The following PCDHGA12 variants were observed in gnomAD, a reference collection of about 807,000 sequenced individuals.
PCDHGA12 encodes protocadherin gamma-A12.
Under a neutral mutation model 61.1 loss-of-function variants are expected in PCDHGA12, and 43 were observed. The observed-to-expected ratio is 0.70, with a 90% CI of 0.55 to 0.91. The LOEUF (loss-of-function observed/expected upper bound fraction) is 0.91. Among genes scored for constraint, PCDHGA12 ranks in the 40% least tolerant of loss-of-function variants. The pLI is 0.00. For synonymous variants in PCDHGA12, 520 were observed against 542.9 expected, an observed-to-expected ratio of 0.96 and a Z score of 0.59; for missense variants, 1,236 against 1,227.7, an observed-to-expected ratio of 1.01 and a Z score of -0.10.
At position 141,432,204 on chromosome 5, in the gene PCDHGA12, A is replaced by G. The variant is rs1204867610; in HGVS notation, c.1445A>G (p.Glu482Gly). Residue 482 changes from glutamate (E) to glycine (G), a missense_variant, in exon 1 of 4, where the codon GAA (glutamate) becomes GGA (glycine). Coordinates refer to ENST00000252085, the MANE Select transcript of PCDHGA12 (RefSeq NM_003735.3). This position sits in a 1 kb window ranked among gnomAD's most constrained non-coding sequence, Gnocchi z 6.0. The part of the protein sequence containing the change: ...VSVTAHDPDC[E>G]ENAQITYSLA... ...GTGACCGCCCACGACCCCGACTGTG[A>G]AGAGAACGCCCAGATCACTTATTCC... 1.9e-6 allele frequency: 3 copies of G among 1,614,070 alleles called. No homozygotes were observed. Among genetic ancestry groups the G allele is most frequent in the African/African-American group, 2.7e-5 (2 of 74,928 alleles).
At position 141,485,833 on chromosome 5, in the gene PCDHGA12, G is replaced by A. The variant is rs780944737; in HGVS notation, c.2425-8974G>A. 64 of 1,613,904 alleles carry A rather than the reference G, an allele frequency of 4.0e-5. No homozygotes were observed. Among genetic ancestry groups the A allele is most frequent in the Non-Finnish European group, 2.5e-6 (3 of 1,180,004 alleles). On this transcript the variant is annotated intron_variant, in intron 1 of 3. Coordinates refer to ENST00000252085, the MANE Select transcript of PCDHGA12 (RefSeq NM_003735.3). This position sits in a 1 kb window ranked among gnomAD's most constrained non-coding sequence, Gnocchi z 5.7. Reference sequence around the variant, plus strand: ...TGACTGCTGTCGATGGAGGGAACCCGCCGAGATCTGGCACCGCAGAGCTCC... The same window carrying A: ...TGACTGCTGTCGATGGAGGGAACCCACCGAGATCTGGCACCGCAGAGCTCC...
At chr5:141,505,505 G>A (rs2099846270) in intron 3 of PCDHGA12, 24 bp downstream of exon 3, 1 of 1,614,132 alleles carries the variant, frequency 6.2e-7, no homozygotes, top group Non-Finnish European at 8.5e-7. Flanking sequence ...GTGTGTGTAT[G>A]GAAGAGTGGG....
chr5:141,448,099 T>C (rs1002430560), intron 1 of PCDHGA12, among the ~76,000 whole-genome samples: 1 of 151,272 alleles, frequency 6.6e-6, no homozygotes, highest in African/African-American at 2.4e-5. Context: ...AAAAAAAAAA[T>C]TAAAAGAAAA....
At chr5:141,460,981 GTGTATATA>G (rs1342006423) in intron 1 of PCDHGA12, among the ~76,000 whole-genome samples, 30 of 121,890 alleles carry the variant, frequency 2.5e-4, no homozygotes, top group African/African-American at 5.8e-4. Flanking sequence ...GTGTGTGTGT[GTGTATATA>G]TATATATGTG....
rs1446853595 is a variant in PCDHGA12, at chr5:141,491,363, C to T, written c.2425-3444C>T. ...ACCGTCAGTCTCTTATCCCTAGTCA[C>T]CTTCACCTTTCTGTCAGCGAAGTGC... On this transcript the variant is annotated intron_variant, in intron 1 of 3. Coordinates refer to ENST00000252085, the MANE Select transcript of PCDHGA12 (RefSeq NM_003735.3). This position sits in a 1 kb window ranked among gnomAD's most constrained non-coding sequence, Gnocchi z 6.9. The T allele has an allele frequency of 6.2e-7, 1 of 1,614,182 alleles. No individual in the cohort carries two copies. Among genetic ancestry groups the T allele is most frequent in the South Asian group, 1.1e-5 (1 of 91,082 alleles).
In PCDHGA12 at chr5:141,430,668, C is replaced by T. The variant is rs538633559; in HGVS notation, c.-92C>T. On this transcript the variant is annotated 5_prime_UTR_variant, in exon 1 of 4. Transcript: ENST00000252085. ...TGTGGAAACAACGGAGGAGCTCTGACTTCCCAACTGTCCCATTCTATGGGC... is the reference window on the plus strand; with the variant it reads ...TGTGGAAACAACGGAGGAGCTCTGATTTCCCAACTGTCCCATTCTATGGGC... The T allele has an allele frequency of 1.6e-6, 2 of 1,243,872 alleles. No homozygotes were observed. Among genetic ancestry groups the T allele is most frequent in the East Asian group, 2.5e-5 (1 of 39,266 alleles). The allele number at this position is 1,243,872 out of a possible 1,614,324, so 77.1% of individuals were successfully genotyped here.
At position 141,433,188 on chromosome 5, in the gene PCDHGA12, G is replaced by A. The variant is rs2097573612; in HGVS notation, c.2424+5G>A. The A allele has an allele frequency of 2.5e-6, 4 of 1,583,816 alleles. No homozygotes were observed. The South Asian group carries it at 3.5e-5, about 14-fold the overall frequency. On this transcript the variant is annotated splice_donor_5th_base_variant and intron_variant, in intron 1 of 3. Coordinates refer to ENST00000252085, the MANE Select transcript of PCDHGA12 (RefSeq NM_003735.3). ...GACAGTCATGGGTTAATTGAGGTGA[G>A]TTTATATCAAATCTTCTTTCTTTTT...
rs756706355 is a variant in PCDHGA12 at position 141,486,950 on chromosome 5, G to C, written c.2425-7857G>C. 6.2e-7 allele frequency: 1 copy of C among 1,614,202 alleles called. No homozygotes were observed. Among genetic ancestry groups the C allele is most frequent in the East Asian group, 2.2e-5 (1 of 44,876 alleles). On this transcript the variant is annotated intron_variant, in intron 1 of 3. Coordinates refer to ENST00000252085, the MANE Select transcript of PCDHGA12 (RefSeq NM_003735.3). The surrounding 1 kb of genome is among the most constrained non-coding windows in gnomAD (Gnocchi z 5.0). ...TGGTGCTGGCCACCTAATCACAAAG[G>C]TGACTGCTGTGGACTTGGATTCAGG...
chr5:141,492,859 C>T (rs966216924), intron 1 of PCDHGA12, among the ~76,000 whole-genome samples: 1 of 152,232 alleles, frequency 6.6e-6, no homozygotes, highest in Non-Finnish European at 1.5e-5. Flanking sequence ...CTCGAGCGCC[C>T]TGGCTCTCAA....
Position 141,431,449 on chromosome 5 carries a change from G to A in PCDHGA12, c.690G>A (p.Val230=). The part of the protein sequence containing the change: ...PVRTGTARIR[V]MVLDANDNAP... Reference sequence around the variant, plus strand: ...GCACAGGCACCGCGCGCATCCGCGTGATGGTTCTGGATGCGAACGACAACG... The same window carrying A: ...GCACAGGCACCGCGCGCATCCGCGTAATGGTTCTGGATGCGAACGACAACG... Residue 230 remains valine, a synonymous_variant, in exon 1 of 4, where the codon GTG becomes GTA. Coordinates refer to ENST00000252085, the MANE Select transcript of PCDHGA12 (RefSeq NM_003735.3). The surrounding 1 kb of genome is among the most constrained non-coding windows in gnomAD (Gnocchi z 4.8). The A allele has an allele frequency of 6.2e-7, 1 of 1,613,742 alleles. No individual in the cohort carries two copies. Among genetic ancestry groups the A allele is most frequent in the South Asian group, 1.1e-5 (1 of 91,082 alleles).
At chr5:141,458,899 T>A (rs1398965632) in intron 1 of PCDHGA12, among the ~76,000 whole-genome samples, 2 of 152,106 alleles carry the variant, frequency 1.3e-5, no homozygotes, top group African/African-American at 2.4e-5. Context: ...GCGCAGCTAA[T>A]TTTTTCTATT....
chr5:141,434,724 C>T (rs2097712360), intron 1 of PCDHGA12, among the ~76,000 whole-genome samples: 2 of 151,800 alleles, frequency 1.3e-5, no homozygotes, highest in Admixed American at 1.3e-4. Flanking sequence ...GTTCAGGGCT[C>T]TCAGCTCTGA....
At chr5:141,433,481 G>C (rs2097613311) in intron 1 of PCDHGA12, among the ~76,000 whole-genome samples, 1 of 152,046 alleles carries the variant, frequency 6.6e-6, no homozygotes, top group African/African-American at 2.4e-5. Flanking sequence ...CTAGCCTCCT[G>C]CTTCTCCCTC....
Position 141,430,594 on chromosome 5 carries a change from C to T in PCDHGA12, c.-166C>T. ...GCGGAGATCCTGCTCGCCTTGCACG[C>T]GCCTGAAGCACAAAGCAGATAGCTA... On this transcript the variant is annotated 5_prime_UTR_variant, in exon 1 of 4. Coordinates refer to ENST00000252085, the MANE Select transcript of PCDHGA12 (RefSeq NM_003735.3). 3 of 563,604 alleles carry T rather than the reference C, an allele frequency of 5.3e-6. No individual in the cohort carries two copies. The highest frequency in any genetic ancestry group is 5.7e-6 in the Non-Finnish European group (2 of 353,820). The allele number at this position is 563,604 out of a possible 1,614,324, so 34.9% of individuals were successfully genotyped here.
chr5:141,487,143 C>T lies in PCDHGA12; in HGVS notation c.2425-7664C>T. Reference sequence around the variant, plus strand: ...GATAGTGGTAGTCCACCACTCTCTACCTCTGTTACTCTCTTAGTGTCCTTA... The same window carrying T: ...GATAGTGGTAGTCCACCACTCTCTATCTCTGTTACTCTCTTAGTGTCCTTA... On this transcript the variant is annotated intron_variant, in intron 1 of 3. Coordinates refer to ENST00000252085, the MANE Select transcript of PCDHGA12 (RefSeq NM_003735.3). This position sits in a 1 kb window ranked among gnomAD's most constrained non-coding sequence, Gnocchi z 5.0. 1.2e-6 allele frequency: 2 copies of T among 1,614,028 alleles called. No homozygotes were observed. Among genetic ancestry groups the T allele is most frequent in the Non-Finnish European group, 1.7e-6 (2 of 1,179,862 alleles).
At chr5:141,479,877 T>C (rs967661238) in intron 1 of PCDHGA12, among the ~76,000 whole-genome samples, 2 of 152,188 alleles carry the variant, frequency 1.3e-5, no homozygotes, top group African/African-American at 4.8e-5. Flanking sequence ...GAGAACCCTA[T>C]ACATACTCTC....
At position 141,489,657 on chromosome 5, in the gene PCDHGA12, G is replaced by T. The variant is rs755618175; in HGVS notation, c.2425-5150G>T. 6.2e-7 allele frequency: 1 copy of T among 1,614,198 alleles called. No individual in the cohort carries two copies. Among genetic ancestry groups the T allele is most frequent in the Admixed American group, 1.7e-5 (1 of 60,030 alleles). ...CTAGCTTTGCCACCCCTGAGCGAGA[G>T]ATGCGCATCTCAGAATCAGCAGCAT... On this transcript the variant is annotated intron_variant, in intron 1 of 3. Coordinates refer to ENST00000252085, the MANE Select transcript of PCDHGA12 (RefSeq NM_003735.3). This position sits in a 1 kb window ranked among gnomAD's most constrained non-coding sequence, Gnocchi z 4.5.
chr5:141,508,979 G>A (rs1317798009), intron 3 of PCDHGA12, among the ~76,000 whole-genome samples: 1 of 152,110 alleles, frequency 6.6e-6, no homozygotes, highest in Non-Finnish European at 1.5e-5. Context: ...GCTGGGGGTG[G>A]GGGCCAGCTG....
At chr5:141,505,306 T>C in intron 2 of PCDHGA12, 87 bp from the exon 3 acceptor site, 4 of 1,596,550 alleles carry the variant, frequency 2.5e-6, no homozygotes, top group Non-Finnish European at 3.4e-6. Context: ...GTTAGGGTAC[T>C]AGGTTTGGGA....
Sources: allele counts gnomAD v4.1 joint callset (sites outside exome capture counted in the v4.1 genomes callset), GRCh38; gene constraint gnomAD v4.1.1; non-coding constraint Gnocchi (gnomAD v3.1); transcripts MANE v1.5; gene names NCBI Gene and HGNC (gene_info 2026-07-23, HGNC 2026-07-21).